SMYD3: variants seen among roughly 807,000 people sequenced by gnomAD.
SMYD3 encodes histone-lysine N-methyltransferase SMYD3.
In SMYD3, 36 loss-of-function variants were observed where a neutral mutation model predicts 57.7. The observed-to-expected ratio is 0.62, with a 90% CI of 0.48 to 0.82. The LOEUF (loss-of-function observed/expected upper bound fraction) is 0.82. Ranked by LOEUF, SMYD3 falls within the 40% of genes least tolerant of loss-of-function variation. SMYD3 has a pLI of 0.00. For missense variants in SMYD3, 515 were observed against 538.8 expected, an observed-to-expected ratio of 0.96 and a Z score of 0.44; for synonymous variants, 211 against 195.0, an observed-to-expected ratio of 1.08 and a Z score of -0.68.
At chr1:246,207,212 T>G (rs2063013576) in intron 5 of SMYD3, among the ~76,000 whole-genome samples, 1 of 152,176 alleles carries the variant, frequency 6.6e-6, no homozygotes, top group Admixed American at 6.5e-5. Flanking sequence ...ACATAAAACA[T>G]CAGAAAATCT....
intron 5 of SMYD3, among the ~76,000 whole-genome samples, chr1:246,017,464 AC>A (rs1425133913): frequency 6.6e-6 from 1 of 152,094 alleles, no homozygotes; most frequent in Non-Finnish European, 1.5e-5. Flanking sequence ...CATGAGCTTG[AC>A]ACTTTTGAAG....
intron 5 of SMYD3, among the ~76,000 whole-genome samples, chr1:246,259,982 C>T (rs1410258492): frequency 6.6e-6 from 1 of 152,190 alleles, no homozygotes; most frequent in African/African-American, 2.4e-5. Flanking sequence ...GTGGGCTCCC[C>T]CTGAACCAAG....
intron 5 of SMYD3, among the ~76,000 whole-genome samples, chr1:246,029,939 C>CA (rs1242901970): frequency 1.1e-4 from 16 of 148,144 alleles, no homozygotes; most frequent in East Asian, 4.0e-4. Context: ...AGCATTTCCA[C>CA]AAAAAAACTA....
intron 10 of SMYD3, among the ~76,000 whole-genome samples, chr1:245,816,222 T>C (rs1461160369): frequency 6.6e-6 from 1 of 152,120 alleles, no homozygotes; most frequent in Non-Finnish European, 1.5e-5. Flanking sequence ...GCTGAGCATC[T>C]ACTCAGAAGA....
intron 10 of SMYD3, among the ~76,000 whole-genome samples, chr1:245,846,376 TC>T (rs1045695997): frequency 6.6e-6 from 1 of 152,104 alleles, no homozygotes; most frequent in African/African-American, 2.4e-5. Context: ...AAAATTAGCA[TC>T]ACAGAGTCAT....
intron 5 of SMYD3, among the ~76,000 whole-genome samples, chr1:246,122,295 C>T (rs973895624): frequency 2.0e-5 from 3 of 151,968 alleles, no homozygotes; most frequent in Non-Finnish European, 4.4e-5. Flanking sequence ...ACTTGTAGTC[C>T]CAGCTACTCA....
chr1:245,888,194 A>T (rs545473153), intron 8 of SMYD3, among the ~76,000 whole-genome samples: 26 of 152,342 alleles, frequency 1.7e-4, no homozygotes, highest in African/African-American at 6.3e-4. Context: ...GGCCAATGTC[A>T]GTCTAGGGTC....
intron 1 of SMYD3, among the ~76,000 whole-genome samples, chr1:246,474,732 G>C (rs1024090836): frequency 6.6e-6 from 1 of 152,046 alleles, no homozygotes; most frequent in African/African-American, 2.4e-5. Flanking sequence ...AAGGAAAAGG[G>C]GAGACAGGAG....
chr1:246,459,211 G>A (rs910916793), intron 1 of SMYD3, among the ~76,000 whole-genome samples: 7 of 147,056 alleles, frequency 4.8e-5, no homozygotes, highest in African/African-American at 1.8e-4. Context: ...CTTGTTATTT[G>A]AAAGTGTGTG....
At chr1:246,165,148 A>G (rs962605659) in intron 5 of SMYD3, among the ~76,000 whole-genome samples, 2 of 152,244 alleles carry the variant, frequency 1.3e-5, no homozygotes, top group Non-Finnish European at 2.9e-5. Context: ...CGGAGGATTG[A>G]GCAACATGGA....
intron 1 of SMYD3, among the ~76,000 whole-genome samples, chr1:246,445,246 C>A (rs1256405174): frequency 6.6e-6 from 1 of 150,970 alleles, no homozygotes; most frequent in Non-Finnish European, 1.5e-5. Flanking sequence ...CCTGTCCTTA[C>A]TGTCAAATTA....
chr1:246,119,043 CAAGGT>C (rs2061383417), intron 5 of SMYD3, among the ~76,000 whole-genome samples: 4 of 152,060 alleles, frequency 2.6e-5, no homozygotes, highest in African/African-American at 9.7e-5. Flanking sequence ...TTTTTAGAGA[CAAGGT>C]CTCACTCTGT....
intron 3 of SMYD3, among the ~76,000 whole-genome samples, chr1:246,333,790 G>GT (rs2065498082): frequency 6.6e-6 from 1 of 152,132 alleles, no homozygotes; most frequent in African/African-American, 2.4e-5. Context: ...GGAAGCTGAG[G>GT]TAGGAGGACT....
chr1:245,784,373 T>C (rs2046952248), intron 10 of SMYD3, among the ~76,000 whole-genome samples: 1 of 152,150 alleles, frequency 6.6e-6, no homozygotes, highest in African/African-American at 2.4e-5. Flanking sequence ...ATAATAACCA[T>C]TTTCTTATGG....
At chr1:245,841,919 G>A (rs2050421793) in intron 10 of SMYD3, among the ~76,000 whole-genome samples, 1 of 152,154 alleles carries the variant, frequency 6.6e-6, no homozygotes, top group African/African-American at 2.4e-5. Context: ...TTATACTGGA[G>A]CTGCCCTATG....
intron 5 of SMYD3, among the ~76,000 whole-genome samples, chr1:246,012,100 T>C (rs2059292425): frequency 6.6e-6 from 1 of 152,276 alleles, no homozygotes; most frequent in South Asian, 2.1e-4. Flanking sequence ...CCAACGACAC[T>C]AGCCCCAAGT....
chr1:245,920,167 G>A lies in SMYD3; in HGVS notation c.703-4527C>T, dbSNP rs946243428. Among the ~76,000 whole-genome samples, 11 of 152,162 alleles carry A rather than the reference G, an allele frequency of 7.2e-5. No homozygotes were observed. In the East Asian group the frequency reaches 1.6e-3, roughly 21 times the overall value. ...TCTCTACTAAAAATACAAAAAATTA[G>A]CCAGGCGTGGTGGCGGGCGCCTGTA... On this transcript the variant is annotated intron_variant, in intron 7 of 11. Transcript: ENST00000490107.
chr1:246,092,074 T>C (rs551494837), intron 5 of SMYD3, among the ~76,000 whole-genome samples: 2 of 152,296 alleles, frequency 1.3e-5, no homozygotes, highest in African/African-American at 4.8e-5. Flanking sequence ...CTGTTATCCA[T>C]TCAAATCTTA....
intron 11 of SMYD3, among the ~76,000 whole-genome samples, chr1:245,752,749 T>C (rs2148008545): frequency 6.6e-6 from 1 of 152,322 alleles, no homozygotes; most frequent in South Asian, 2.1e-4. Flanking sequence ...AGGGGGAGTT[T>C]CCTGGCCTTC....
Sources: allele counts gnomAD v4.1 joint callset (sites outside exome capture counted in the v4.1 genomes callset), GRCh38; gene constraint gnomAD v4.1.1; transcripts MANE v1.5; gene names NCBI Gene and HGNC (gene_info 2026-07-23, HGNC 2026-07-21).